The following LRTM3 variants were observed in gnomAD, a reference collection of about 807,000 sequenced individuals.
LRTM3 encodes the protein leucine-rich repeat transmembrane protein 3.
chr13:102,750,650 G>T, the LRTM3 span, among the ~76,000 whole-genome samples: 2 of 152,110 alleles, frequency 1.3e-5, no homozygotes, highest in African/African-American at 4.8e-5. Flanking sequence ...TTTTTGACAA[G>T]ATTGGGTCAA....
chr13:102,741,394 C>T, the LRTM3 span: 1 of 1,549,878 alleles, frequency 6.5e-7, no homozygotes, highest in Non-Finnish European at 8.7e-7. Context: ...GTTCTTTCTG[C>T]TCTGCAGGCA....
chr13:102,735,591 G>C, the LRTM3 span: 1 of 1,550,852 alleles, frequency 6.4e-7, no homozygotes, highest in Non-Finnish European at 8.7e-7. Context: ...AGTAGTAATT[G>C]CTTTGCTTTC....
the LRTM3 span, chr13:102,758,618 T>G: frequency 2.7e-5 from 41 of 1,521,700 alleles, no homozygotes; most frequent in Non-Finnish European, 3.4e-5. Context: ...GTAATCGGAG[T>G]ATCAAAATTC....
chr13:102,740,444 T>C, the LRTM3 span: 1 of 1,550,200 alleles, frequency 6.5e-7, no homozygotes, highest in Non-Finnish European at 8.7e-7. Flanking sequence ...AGGCATTAAA[T>C]GTTGCAGGAG....
At chr13:102,736,440 G>A in the LRTM3 span, 3 of 1,551,034 alleles carry the variant, frequency 1.9e-6, no homozygotes, top group South Asian at 2.4e-5. Context: ...TGTGGAAGGA[G>A]TTGTTTCTCT....
chr13:102,740,962 T>C, the LRTM3 span: 1 of 1,550,202 alleles, frequency 6.5e-7, no homozygotes, highest in Non-Finnish European at 8.7e-7. Flanking sequence ...AATGTATTCC[T>C]TCTGAACATG....
At chr13:102,739,926 C>A in the LRTM3 span, 10 of 1,550,236 alleles carry the variant, frequency 6.5e-6, no homozygotes, top group Non-Finnish European at 7.9e-6. Context: ...GCACCACAGT[C>A]ACTGGTATTG....
the LRTM3 span, among the ~76,000 whole-genome samples, chr13:102,751,526 A>G: frequency 6.6e-6 from 1 of 152,158 alleles, no homozygotes; most frequent in East Asian, 1.9e-4. Flanking sequence ...CTGAGCTTTA[A>G]TAAACTCTCC....
At chr13:102,755,941 ACATATATATATATATATATATT>A in the LRTM3 span, among the ~76,000 whole-genome samples, 344 of 34,702 alleles carry the variant, frequency 9.9e-3, 2 homozygotes, top group African/African-American at 0.022. Context: ...GTATATATAT[ACATATATATATATATATATATT>A]TTTTTTTTTT....
the LRTM3 span, chr13:102,740,928 G>T: frequency 1.3e-6 from 2 of 1,549,856 alleles, no homozygotes; most frequent in African/African-American, 1.4e-5. Flanking sequence ...TCTTGTGGAT[G>T]TTCTTTTCTT....
the LRTM3 span, chr13:102,746,442 G>A: frequency 6.4e-7 from 1 of 1,550,864 alleles, no homozygotes; most frequent in Non-Finnish European, 8.7e-7. Context: ...AATCTGCTAT[G>A]CATTGGAGAG....
the LRTM3 span, chr13:102,748,600 C>T: frequency 7.1e-6 from 11 of 1,550,820 alleles, no homozygotes; most frequent in East Asian, 2.4e-4. Flanking sequence ...AAACAAGTTT[C>T]TGCATAGGTT....
the LRTM3 span, chr13:102,747,104 A>G: frequency 6.4e-7 from 1 of 1,550,662 alleles, no homozygotes; most frequent in Non-Finnish European, 8.7e-7. Flanking sequence ...TTCATCTTGC[A>G]ATTTAGCATC....
the LRTM3 span, chr13:102,738,628 A>G: frequency 1.9e-6 from 3 of 1,550,326 alleles, no homozygotes; most frequent in Non-Finnish European, 2.6e-6. Context: ...TTGAGATATT[A>G]TCAGAAATAC....
At chr13:102,740,735 T>G in the LRTM3 span, 1 of 1,548,638 alleles carries the variant, frequency 6.5e-7, no homozygotes, top group Non-Finnish European at 8.7e-7. Context: ...AAGAGCCTTG[T>G]ATGTATATTT....
At chr13:102,729,833 C>A in the LRTM3 span, 1 of 1,551,864 alleles carries the variant, frequency 6.4e-7, no homozygotes, top group Admixed American at 2.0e-5. Context: ...CCAATGACTG[C>A]TGTTCTTCCT....
the LRTM3 span, chr13:102,734,574 T>C: frequency 1.3e-6 from 2 of 1,541,118 alleles, no homozygotes; most frequent in Middle Eastern, 3.4e-4. Flanking sequence ...ATATCGATTA[T>C]TTTTTTTTGG....
At chr13:102,729,977 G>T in the LRTM3 span, 1 of 1,551,734 alleles carries the variant, frequency 6.4e-7, no homozygotes, top group Non-Finnish European at 8.7e-7. Context: ...TCTGCTCTTG[G>T]TAGTCCATGA....
At chr13:102,733,768 G>A in the LRTM3 span, 1 of 1,551,350 alleles carries the variant, frequency 6.4e-7, no homozygotes, top group Non-Finnish European at 8.7e-7. Flanking sequence ...CTTCTGACCT[G>A]ACTCGTGAAG....
Sources: gnomAD v4.1 joint callset for allele counts (sites outside exome capture counted in the v4.1 genomes callset) on GRCh38, gnomAD v4.1.1 for gene constraint, MANE v1.5 for transcripts, NCBI Gene and HGNC (gene_info 2026-07-23, HGNC 2026-07-21) for gene names.